The following USP13 variants were observed in gnomAD, a reference collection of about 807,000 sequenced individuals.
USP13 encodes the protein ubiquitin carboxyl-terminal hydrolase 13.
In USP13, 68 loss-of-function variants were observed where a neutral mutation model predicts 107.8. The observed-to-expected ratio is 0.63, with a 90% CI of 0.52 to 0.77. USP13 has a LOEUF of 0.77. USP13 is among the 30% of genes least tolerant of loss of function. The pLI, the probability that USP13 is intolerant of heterozygous loss-of-function variation, is 0.00. For missense variants in USP13, 945 were observed against 1,093.3 expected (o/e 0.86, Z 1.91); for synonymous variants, 377 against 389.5 (o/e 0.97, Z 0.38).
Position 179,721,647 on chromosome 3 carries a change from A to G in USP13, c.1088+58A>G. 2 of 1,559,856 alleles carry G rather than the reference A, an allele frequency of 1.3e-6. No homozygotes were observed. Among genetic ancestry groups the G allele is most frequent in the East Asian group, 2.3e-5 (1 of 44,326 alleles). On this transcript the variant is annotated intron_variant, in intron 8 of 20. Transcript: ENST00000263966. The surrounding 1 kb of genome is among the most constrained non-coding windows in gnomAD (Gnocchi z 4.3). Reference sequence around the variant, plus strand: ...GCACCTCCCTGCCCCATCTAGGTCCAGTCCACTCAGTGTGCGCTGCGAAGC... The same window carrying G: ...GCACCTCCCTGCCCCATCTAGGTCCGGTCCACTCAGTGTGCGCTGCGAAGC...
intron 6 of USP13, among the ~76,000 whole-genome samples, chr3:179,709,959 A>G (rs1417023706): frequency 1.4e-5 from 2 of 147,026 alleles, no homozygotes; most frequent in Admixed American, 6.9e-5. Flanking sequence ...CTCACCAATC[A>G]TTGTTTTTTC....
Position 179,653,631 on chromosome 3 carries a change from T to G in USP13, c.168+238T>G. On this transcript the variant is annotated intron_variant, in intron 1 of 20. Transcript: ENST00000263966. This position sits in a 1 kb window ranked among gnomAD's most constrained non-coding sequence, Gnocchi z 4.0. Reference sequence around the variant, plus strand: ...CCTCCCCAGGCTGGAAGGGCCCGATTCCCAGCAGCTTGCACACAGCCCCGC... The same window carrying G: ...CCTCCCCAGGCTGGAAGGGCCCGATGCCCAGCAGCTTGCACACAGCCCCGC... 1 of 531,904 alleles carries G rather than the reference T, an allele frequency of 1.9e-6. No individual in the cohort carries two copies. Among genetic ancestry groups the G allele is most frequent in the Non-Finnish European group, 3.3e-6 (1 of 303,740 alleles). The allele number at this position is 531,904 out of a possible 1,614,324, so 32.9% of individuals were successfully genotyped here.
chr3:179,708,719 TAA>T, intron 5 of USP13, 52 bp from the exon 6 acceptor site: 1 of 1,598,234 alleles, frequency 6.3e-7, no homozygotes, highest in Non-Finnish European at 8.5e-7. Context: ...TCTTAGATGT[TAA>T]GTTTTAAAAT....
intron 8 of USP13, among the ~76,000 whole-genome samples, chr3:179,725,403 C>T (rs1041571174): frequency 1.3e-5 from 2 of 151,966 alleles, no homozygotes; most frequent in Non-Finnish European, 2.9e-5. Flanking sequence ...CAGTATAGTC[C>T]CTGCATCTAA....
chr3:179,745,089 C>T lies in USP13; in HGVS notation c.1581C>T (p.Asn527=), dbSNP rs566486442. ...YELTRREAEA[N]RRPLPELVRA... is the part of the protein sequence containing the mutation. The stretch of plus-strand genomic sequence containing the variant: ...TAACGAGAAGGGAAGCAGAAGCAAA[C>T]AGAAGACCCCTTCCTGAGTTGGTAC... The change falls in exon 13 of 21, where the codon AAC becomes AAT. Residue 527 remains asparagine, a synonymous_variant. Transcript: ENST00000263966. 2 of 1,614,156 alleles carry T rather than the reference C, an allele frequency of 1.2e-6. No individual in the cohort carries two copies. Among genetic ancestry groups the T allele is most frequent in the East Asian group, 4.5e-5 (2 of 44,864 alleles).
intron 1 of USP13, among the ~76,000 whole-genome samples, chr3:179,668,912 A>G (rs1252994791): frequency 6.6e-6 from 1 of 152,188 alleles, no homozygotes; most frequent in Non-Finnish European, 1.5e-5. Context: ...GGTTTGCTCT[A>G]GAAGCGAGAA....
At chr3:179,714,766 C>T (rs866521766) in intron 6 of USP13, among the ~76,000 whole-genome samples, 35 of 152,052 alleles carry the variant, frequency 2.3e-4, no homozygotes, top group Non-Finnish European at 4.9e-4. Flanking sequence ...TCTGATTTAC[C>T]TTTTTTCTAC....
intron 13 of USP13, 81 bp downstream of exon 13, chr3:179,745,298 G>A: frequency 6.7e-7 from 1 of 1,485,278 alleles, no homozygotes. Context: ...AAGGGGGTGG[G>A]TGTTATTTGT....
At chr3:179,692,817 T>C (rs1712156334) in intron 3 of USP13, among the ~76,000 whole-genome samples, 1 of 152,218 alleles carries the variant, frequency 6.6e-6, no homozygotes, top group Admixed American at 6.5e-5. Flanking sequence ...TTGTAGAGGA[T>C]ATTGTCAGGA....
At chr3:179,741,897 T>C (rs1228730670) in intron 11 of USP13, among the ~76,000 whole-genome samples, 3 of 152,224 alleles carry the variant, frequency 2.0e-5, no homozygotes, top group Non-Finnish European at 4.4e-5. Flanking sequence ...TCCCTTTCTC[T>C]TTTGATTGGC....
At chr3:179,758,502 AT>A (rs879505016) in intron 16 of USP13, among the ~76,000 whole-genome samples, 75 of 146,190 alleles carry the variant, frequency 5.1e-4, no homozygotes, top group Admixed American at 5.5e-4. Flanking sequence ...CCTTTCTTAA[AT>A]TTTTTTTTTT....
At chr3:179,716,955 A>C (rs1713133256) in intron 6 of USP13, among the ~76,000 whole-genome samples, 1 of 151,984 alleles carries the variant, frequency 6.6e-6, no homozygotes, top group South Asian at 2.1e-4. Context: ...CTTGTGGTTT[A>C]GTTTGTCATT....
chr3:179,780,063 G>C (rs554180417), intron 19 of USP13, among the ~76,000 whole-genome samples: 2 of 152,316 alleles, frequency 1.3e-5, no homozygotes, highest in South Asian at 4.1e-4. Flanking sequence ...AGCAAACTAG[G>C]AATGGAAGAG....
intron 1 of USP13, among the ~76,000 whole-genome samples, chr3:179,662,190 A>G (rs537469508): frequency 2.0e-5 from 3 of 150,324 alleles, no homozygotes; most frequent in Non-Finnish European, 4.4e-5. Context: ...TGGTGCCTCT[A>G]TTCTTAACTA....
intron 15 of USP13, among the ~76,000 whole-genome samples, chr3:179,756,321 G>T (rs1332496915): frequency 6.6e-6 from 1 of 152,156 alleles, no homozygotes; most frequent in Non-Finnish European, 1.5e-5. Flanking sequence ...TACTCAGGAG[G>T]CTGAGGCAAG....
chr3:179,658,762 C>T (rs1238337442), intron 1 of USP13, among the ~76,000 whole-genome samples: 1 of 152,098 alleles, frequency 6.6e-6, no homozygotes, highest in African/African-American at 2.4e-5. Flanking sequence ...TCCCATCCCC[C>T]ATTGGTCAAG....
At position 179,721,715 on chromosome 3, in the gene USP13, C is replaced by A; in HGVS notation, c.1088+126C>A. ...GGACATTTTGCCACCTTTTCTCTGGCCTGCCTTCTACAGAGACTGGGTGAG... is the reference window on the plus strand; with the variant it reads ...GGACATTTTGCCACCTTTTCTCTGGACTGCCTTCTACAGAGACTGGGTGAG... On this transcript the variant is annotated intron_variant, in intron 8 of 20. Coordinates refer to ENST00000263966, the MANE Select transcript of USP13 (RefSeq NM_003940.3). The surrounding 1 kb of genome is among the most constrained non-coding windows in gnomAD (Gnocchi z 4.3). 1 of 1,011,426 alleles carries A rather than the reference C, an allele frequency of 9.9e-7. No individual in the cohort carries two copies. The allele number at this position is 1,011,426 out of a possible 1,614,324, so 62.7% of individuals were successfully genotyped here.
At chr3:179,670,944 G>C (rs1266905162) in intron 1 of USP13, among the ~76,000 whole-genome samples, 1 of 152,192 alleles carries the variant, frequency 6.6e-6, no homozygotes, top group Non-Finnish European at 1.5e-5. Context: ...TGATCCGTCT[G>C]TCTCGGCCTC....
At chr3:179,656,265 A>G (rs961234625) in intron 1 of USP13, among the ~76,000 whole-genome samples, 2 of 152,244 alleles carry the variant, frequency 1.3e-5, no homozygotes, top group Non-Finnish European at 2.9e-5. Context: ...AGTAGAGAGT[A>G]GATGATGGGG....
Sources: allele counts gnomAD v4.1 joint callset (sites outside exome capture counted in the v4.1 genomes callset), GRCh38; gene constraint gnomAD v4.1.1; non-coding constraint Gnocchi (gnomAD v3.1); transcripts MANE v1.5; gene names NCBI Gene and HGNC (gene_info 2026-07-23, HGNC 2026-07-21).